Variants in DET1 observed in about 807,000 individuals in gnomAD.
DET1 encodes DET1 homolog.
A neutral mutation model predicts 43.7 loss-of-function variants in DET1; 22 were observed. The ratio of observed to expected loss-of-function variants is 0.50; its 90% CI spans 0.36 to 0.72. The LOEUF is 0.72. Among genes scored for constraint, DET1 ranks in the 30% least tolerant of loss-of-function variants. The pLI is 0.00. For missense variants in DET1, 713 were observed against 713.3 expected (o/e 1.00, Z 0.00); for synonymous variants, 315 against 266.2 (o/e 1.18, Z -1.79).
Position 88,522,515 on chromosome 15 carries a change from T to TTTTTTTTTTTTG in DET1, c.1271+5083_1271+5084insCAAAAAAAAAAA, listed in dbSNP as rs2056522280. Among the ~76,000 whole-genome samples the TTTTTTTTTTTTG allele has an allele frequency of 3.0e-5, 4 of 132,124 alleles. No homozygotes were observed. In the East Asian group the frequency reaches 8.6e-4, roughly 29 times the overall value. 86.7% of individuals were successfully genotyped at this position (132,124 alleles called of 152,430 possible). On this transcript the variant is annotated intron_variant, in intron 3 of 4. Transcript: ENST00000268148. Reference sequence around the variant, plus strand: ...CATTGTTCTAGGAATGTTCCTGGTTTTTTTTTTTTTTTGAGTTGGAGTCTC... The same window carrying TTTTTTTTTTTTG: ...CATTGTTCTAGGAATGTTCCTGGTTTTTTTTTTTTTTGTTTTTTTTTTTTGAGTTGGAGTCTC...
chr15:88,530,902 C>T lies in DET1; in HGVS notation c.804G>A (p.Val268=). The T allele has an allele frequency of 6.2e-7, 1 of 1,614,012 alleles. No homozygotes were observed. Among genetic ancestry groups the T allele is most frequent in the Non-Finnish European group, 8.5e-7 (1 of 1,179,900 alleles). The change falls in exon 2 of 5, where the codon GTG becomes GTA. Residue 268 remains valine, a synonymous_variant. Transcript: ENST00000268148. ...RFCYEDDLLT[V]SAVFPEVQRD... ...GCTGTACCTCAGGGAAAACAGCTGA[C>T]ACAGTGAGCAGGTCATCCTCATAGC...
chr15:88,531,891 T>C lies in DET1; in HGVS notation c.-10-176A>G. 5 of 634,058 alleles carry C rather than the reference T, an allele frequency of 7.9e-6. No homozygotes were observed. The South Asian group carries it at 8.6e-5, about 11-fold the overall frequency. 39.3% of individuals were successfully genotyped at this position (634,058 alleles called of 1,614,324 possible). On this transcript the variant is annotated intron_variant, in intron 1 of 4. Coordinates refer to ENST00000268148, the MANE Select transcript of DET1 (RefSeq NM_001144074.3). The surrounding 1 kb of genome is among the most constrained non-coding windows in gnomAD (Gnocchi z 6.2). ...ACTGAGTAAGTGGTCCTAACATTTC[T>C]AAGTCTAGAAACAGGTCTAAGGGAA...
chr15:88,523,389 A>C (rs751626441), intron 3 of DET1, among the ~76,000 whole-genome samples: 4 of 152,152 alleles, frequency 2.6e-5, no homozygotes, highest in African/African-American at 7.2e-5. Context: ...TGTGTTCACA[A>C]GAATTAAAAA....
At chr15:88,525,942 T>C (rs1397874096) in intron 3 of DET1, among the ~76,000 whole-genome samples, 1 of 151,480 alleles carries the variant, frequency 6.6e-6, no homozygotes, top group Non-Finnish European at 1.5e-5. Context: ...TTCCAAAGTG[T>C]TGGGATTACA....
chr15:88,539,297 C>CAAGGCTT (rs1567074342), intron 1 of DET1, among the ~76,000 whole-genome samples: 1 of 151,652 alleles, frequency 6.6e-6, no homozygotes, highest in Non-Finnish European at 1.5e-5. Flanking sequence ...GGCGACCTCA[C>CAAGGCTT]AAGGCTTAAG....
chr15:88,538,185 C>T (rs2057001183), intron 1 of DET1, among the ~76,000 whole-genome samples: 1 of 151,976 alleles, frequency 6.6e-6, no homozygotes. Context: ...TCTCCCTTAG[C>T]TAAGAGAGCC....
chr15:88,545,146 G>A (rs976432245), intron 1 of DET1, among the ~76,000 whole-genome samples: 9 of 151,976 alleles, frequency 5.9e-5, no homozygotes, highest in South Asian at 2.1e-4. Context: ...TCGGTAACTC[G>A]TGCTTCTCAT....
chr15:88,503,313 A>G (rs979459919), intron 8 of DET1: 5 of 152,106 alleles, frequency 3.3e-5, no homozygotes, highest in African/African-American at 1.2e-4. Flanking sequence ...AACAGGAGAA[A>G]GAGAAATTAT....
At chr15:88,511,718 G>A (rs141444181), downstream of DET1, 100 of 497,146 alleles carry the variant, frequency 2.0e-4, no homozygotes, top group African/African-American at 2.0e-3. Context: ...ACTGAATGCT[G>A]AAGGAGACTG....
rs115163087 is a variant in DET1, at chr15:88,526,140, C to T, written c.1271+1459G>A. On this transcript the variant is annotated intron_variant, in intron 3 of 4. Coordinates refer to ENST00000268148, the MANE Select transcript of DET1 (RefSeq NM_001144074.3). ...TGTGTGAACCAAAGAAAAAGGAAAA[C>T]GCAAGACAGTTGTCTGAATTCAATA... 5.6e-3 allele frequency among the ~76,000 whole-genome samples: 848 copies of T among 152,228 alleles called. 10 individuals are homozygous for T. Among genetic ancestry groups the T allele is most frequent in the African/African-American group, 0.019 (797 of 41,518 alleles).
intron 3 of DET1, among the ~76,000 whole-genome samples, chr15:88,522,834 T>C (rs2056536642): frequency 6.6e-6 from 1 of 151,302 alleles, no homozygotes; most frequent in Admixed American, 6.6e-5. Context: ...TGTTCCTGTT[T>C]TTATACTTTC....
rs993329542 is a variant in DET1 at position 88,538,728 on chromosome 15, G to A, written c.-10-7013C>T. ...CCCCGGAAGGACGGCCGGCTCAGAG[G>A]GGGTTACCACCTGAGGAAAGAATTT... On this transcript the variant is annotated intron_variant, in intron 1 of 4. Coordinates refer to ENST00000268148, the MANE Select transcript of DET1 (RefSeq NM_001144074.3). Among the ~76,000 whole-genome samples, 3 of 152,148 alleles carry A rather than the reference G, an allele frequency of 2.0e-5. 1 individual carries two copies. The highest frequency in any genetic ancestry group is 4.2e-4 in the South Asian group (2 of 4,810).
intron 2 of DET1, among the ~76,000 whole-genome samples, chr15:88,528,752 T>C (rs2056734866): frequency 6.6e-6 from 1 of 152,214 alleles, no homozygotes; most frequent in South Asian, 2.1e-4. Context: ...CAGCCTCCTA[T>C]GATTGAGTTT....
intron 3 of DET1, among the ~76,000 whole-genome samples, chr15:88,526,995 G>A (rs2056680127): frequency 6.6e-6 from 1 of 152,270 alleles, no homozygotes; most frequent in South Asian, 2.1e-4. Context: ...AAGGCAGCTT[G>A]TTTCTTGATG....
At chr15:88,532,989 G>C (rs1056116968) in intron 1 of DET1, among the ~76,000 whole-genome samples, 3 of 152,148 alleles carry the variant, frequency 2.0e-5, no homozygotes, top group Non-Finnish European at 2.9e-5. Context: ...ACAATCAACC[G>C]AGTGAAAGGG....
chr15:88,512,083 G>C (rs2056209918), downstream of DET1, among the ~76,000 whole-genome samples: 1 of 152,212 alleles, frequency 6.6e-6, no homozygotes, highest in Non-Finnish European at 1.5e-5. Flanking sequence ...TCCAGGAACA[G>C]CCAGTCTGGT....
chr15:88,545,931 T>C (rs2057240740), intron 1 of DET1, among the ~76,000 whole-genome samples: 1 of 151,278 alleles, frequency 6.6e-6, no homozygotes, highest in South Asian at 2.1e-4. Context: ...ATTCATCTGA[T>C]TGATAACACC....
intron 3 of DET1, among the ~76,000 whole-genome samples, chr15:88,517,791 A>G (rs1312418571): frequency 6.6e-6 from 1 of 152,196 alleles, no homozygotes; most frequent in Non-Finnish European, 1.5e-5. Flanking sequence ...TTGTTTAAAT[A>G]AAATTTGGAA....
In DET1 at chr15:88,527,646, A is replaced by G. The variant is rs1278957606; in HGVS notation, c.1224T>C (p.Phe408=). 7 of 1,612,350 alleles carry G rather than the reference A, an allele frequency of 4.3e-6. No individual in the cohort carries two copies. The highest frequency in any genetic ancestry group is 5.9e-6 in the Non-Finnish European group (7 of 1,179,082). Residue 408 remains phenylalanine, a synonymous_variant, in exon 3 of 5, where the codon TTT becomes TTC. Coordinates refer to ENST00000268148, the MANE Select transcript of DET1 (RefSeq NM_001144074.3). Reference sequence around the variant, plus strand: ...AATTGTTGCTAGAAGCTGAGCAGGGAAACTGAACTTCACTGTGCAGGGTAG... The same window carrying G: ...AATTGTTGCTAGAAGCTGAGCAGGGGAACTGAACTTCACTGTGCAGGGTAG... ...RNATLHSEVQ[F]PCSASSNNFA...
Sources: allele counts gnomAD v4.1 joint callset (sites outside exome capture counted in the v4.1 genomes callset), GRCh38; gene constraint gnomAD v4.1.1; non-coding constraint Gnocchi (gnomAD v3.1); transcripts MANE v1.5; gene names NCBI Gene and HGNC (gene_info 2026-07-23, HGNC 2026-07-21).